Variants in H6PD observed in about 807,000 individuals in gnomAD.
The protein encoded by H6PD is hexose-6-phosphate dehydrogenase/glucose 1-dehydrogenase, also known as GDH/6PGL endoplasmic bifunctional protein.
Under a neutral mutation model 61.2 loss-of-function variants are expected in H6PD, and 48 were observed. The ratio of observed to expected loss-of-function variants is 0.78; its 90% confidence interval spans 0.62 to 1.00. The LOEUF (loss-of-function observed/expected upper bound fraction) is 1.00, where lower values mean the gene tolerates loss of function less well. Among genes scored for constraint, H6PD ranks in the 50% least tolerant of loss-of-function variants. H6PD has a pLI of 0.00. For missense variants in H6PD, 1,093 were observed against 1,065.0 expected (o/e 1.03, Z -0.37); for synonymous variants, 480 against 457.9 (o/e 1.05, Z -0.62).
At chr1:9,247,442 C>T (rs1445929697) in intron 3 of H6PD, among the ~76,000 whole-genome samples, 1 of 152,166 alleles carries the variant, frequency 6.6e-6, no homozygotes, top group Admixed American at 6.5e-5. Flanking sequence ...AGCCGTGGCG[C>T]CCCCTGCCTG....
Position 9,260,242 on chromosome 1 carries a change from T to C in H6PD, c.746-1817T>C, listed in dbSNP as rs182822771. On this transcript the variant is annotated intron_variant, in intron 3 of 4. Coordinates refer to ENST00000377403, the MANE Select transcript of H6PD (RefSeq NM_004285.4). The stretch of plus-strand genomic sequence containing the variant: ...TGTTGCTGTTGTTACGCCAGTGTTA[T>C]GTCGTTACACCAGTGCTGTTATGTT... Among the ~76,000 whole-genome samples, 388 of 149,742 alleles carry C rather than the reference T, an allele frequency of 2.6e-3. 6 individuals are homozygous for C. The highest frequency in any genetic ancestry group is 0.021 in the Admixed American group (321 of 15,202).
At chr1:9,252,493 C>G (rs777355088) in intron 3 of H6PD, among the ~76,000 whole-genome samples, 31 of 152,256 alleles carry the variant, frequency 2.0e-4, no homozygotes, top group Non-Finnish European at 3.8e-4. Context: ...GCTTTAACCT[C>G]CCAAATAGCT....
chr1:9,243,535 C>A (rs1409537919), intron 1 of H6PD, among the ~76,000 whole-genome samples: 2 of 152,186 alleles, frequency 1.3e-5, no homozygotes, highest in Non-Finnish European at 2.9e-5. Context: ...TTCCCCCTCA[C>A]TTCCTTCTTC....
chr1:9,265,093 C>T lies in H6PD; in HGVS notation c.*224C>T. 1.6e-6 allele frequency: 1 copy of T among 613,376 alleles called. No homozygotes were observed. The allele number at this position is 613,376 out of a possible 1,614,324, so 38.0% of individuals were successfully genotyped here. A position where few individuals can be genotyped will look rare whatever the true frequency, so the allele number is the denominator to read the frequency against. ...AGAAACAAGGAAGAAATGGAGTCTG[C>T]TCCTGAGAAGCTTCAAATTCAGGCC... is the stretch of plus-strand genomic sequence containing the variant. On this transcript the variant is annotated 3_prime_UTR_variant, in exon 5 of 5. Coordinates refer to ENST00000377403, the MANE Select transcript of H6PD (RefSeq NM_004285.4).
Position 9,244,928 on chromosome 1 carries a change from C to G in H6PD, c.-7C>G, listed in dbSNP as rs770903607. 1.3e-6 allele frequency: 2 copies of G among 1,544,266 alleles called. No individual in the cohort carries two copies. The highest frequency in any genetic ancestry group is 1.8e-6 in the Non-Finnish European group (2 of 1,131,888). On this transcript the variant is annotated 5_prime_UTR_variant, in exon 2 of 5. Transcript: ENST00000377403. The stretch of plus-strand genomic sequence containing the variant: ...TCTGTCTCTCTTTGCACCCCAGGCA[C>G]CCAGGCATGTGGAATATGCTCATAG...
At chr1:9,249,457 C>T (rs915023740) in intron 3 of H6PD, among the ~76,000 whole-genome samples, 7 of 152,166 alleles carry the variant, frequency 4.6e-5, no homozygotes, top group African/African-American at 1.4e-4. Flanking sequence ...GGCTGGCTGT[C>T]CTCAAGGTCC....
In H6PD at chr1:9,266,741, C is replaced by A. The variant is rs1372476394; in HGVS notation, c.*1872C>A. On this transcript the variant is annotated 3_prime_UTR_variant, in exon 5 of 5. Coordinates refer to ENST00000377403, the MANE Select transcript of H6PD (RefSeq NM_004285.4). ...GAATCCTGGCTTTCATTTTCAATGC[C>A]AGTCTGAGACATGTTCCCAAGCCGG... is the stretch of plus-strand genomic sequence containing the variant. The A allele has an allele frequency of 6.6e-6, 1 of 152,178 alleles. No individual in the cohort carries two copies. The highest frequency in any genetic ancestry group is 2.4e-5 in the African/African-American group (1 of 41,444). 9.4% of individuals were successfully genotyped at this position (152,178 alleles called of 1,614,324 possible). A position where few individuals can be genotyped will look rare whatever the true frequency, so the allele number is the denominator to read the frequency against.
At chr1:9,243,926 A>G (rs1251531616) in intron 1 of H6PD, among the ~76,000 whole-genome samples, 1 of 152,156 alleles carries the variant, frequency 6.6e-6, no homozygotes, top group African/African-American at 2.4e-5. Flanking sequence ...GGTCCCCTCT[A>G]TAGCGGTGCT....
chr1:9,235,429 A>G (rs1473251872), intron 1 of H6PD, among the ~76,000 whole-genome samples: 1 of 152,000 alleles, frequency 6.6e-6, no homozygotes, highest in Admixed American at 6.6e-5. Flanking sequence ...ATCTCTGAAA[A>G]TCAGCTCACC....
chr1:9,235,299 GA>G (rs978459927), intron 1 of H6PD, among the ~76,000 whole-genome samples: 1 of 152,092 alleles, frequency 6.6e-6, no homozygotes, highest in Non-Finnish European at 1.5e-5. Flanking sequence ...AGGAGAGGGG[GA>G]ACTCCGAGAT....
At position 9,254,248 on chromosome 1, in the gene H6PD, G is replaced by C. The variant is rs185574129; in HGVS notation, c.745+7165G>C. Among the ~76,000 whole-genome samples, 13 of 152,236 alleles carry C rather than the reference G, an allele frequency of 8.5e-5. No individual in the cohort carries two copies. The East Asian group carries it at 2.5e-3, about 29-fold the overall frequency. ...TTTGTGCCTGTAATCCCAGCTACTCGGGAGGCTGAGGCAGGAGAATTGCTT... is the reference window on the plus strand; with the variant it reads ...TTTGTGCCTGTAATCCCAGCTACTCCGGAGGCTGAGGCAGGAGAATTGCTT... On this transcript the variant is annotated intron_variant, in intron 3 of 4. Transcript: ENST00000377403. This position sits in a 1 kb window ranked among gnomAD's most constrained non-coding sequence, Gnocchi z 4.6.
In H6PD at chr1:9,269,465, GC is replaced by G. The variant is rs1201301137; in HGVS notation, c.*4597del. ...AGCTGGTGCCACTCTGCCCTCGGGG[GC>G]TCCAAGCATTGTAACTCAGTCATGG... is the stretch of plus-strand genomic sequence containing the variant. On this transcript the variant is annotated 3_prime_UTR_variant, in exon 5 of 5. Coordinates refer to ENST00000377403, the MANE Select transcript of H6PD (RefSeq NM_004285.4). The surrounding 1 kb of genome is among the most constrained non-coding windows in gnomAD (Gnocchi z 4.3). The G allele has an allele frequency of 6.6e-6, 1 of 152,274 alleles. No individual in the cohort carries two copies. Among genetic ancestry groups the G allele is most frequent in the Non-Finnish European group, 1.5e-5 (1 of 68,068 alleles). 9.4% of individuals were successfully genotyped at this position (152,274 alleles called of 1,614,324 possible).
chr1:9,261,991 A>G, intron 3 of H6PD, 68 bp from the exon 4 acceptor site: 2 of 1,524,562 alleles, frequency 1.3e-6, no homozygotes, highest in Non-Finnish European at 1.8e-6. Flanking sequence ...GTTTTGGTGC[A>G]CCTCGGGGAG....
chr1:9,238,960 T>C (rs915883098), intron 1 of H6PD, among the ~76,000 whole-genome samples: 2 of 152,204 alleles, frequency 1.3e-5, no homozygotes, highest in African/African-American at 4.8e-5. Flanking sequence ...TGGATATAAA[T>C]AATATCAAGA....
At chr1:9,243,625 A>G (rs1266985269) in intron 1 of H6PD, among the ~76,000 whole-genome samples, 1 of 152,184 alleles carries the variant, frequency 6.6e-6, no homozygotes, top group Non-Finnish European at 1.5e-5. Flanking sequence ...AGGAAGCCCT[A>G]CAACCTTGGT....
In H6PD at chr1:9,245,683, T is replaced by C; in HGVS notation, c.627+122T>C. On this transcript the variant is annotated intron_variant, in intron 2 of 4. Transcript: ENST00000377403. The surrounding 1 kb of genome is among the most constrained non-coding windows in gnomAD (Gnocchi z 4.8). Reference sequence around the variant, plus strand: ...AGGCATTGTGAACTCAGAGCTCCCATGGTCTCCTTGAAGGTGGGCAGGAGG... The same window carrying C: ...AGGCATTGTGAACTCAGAGCTCCCACGGTCTCCTTGAAGGTGGGCAGGAGG... The C allele has an allele frequency of 1.0e-6, 1 of 995,630 alleles. No individual in the cohort carries two copies. The highest frequency in any genetic ancestry group is 1.6e-6 in the Non-Finnish European group (1 of 641,424). The allele number at this position is 995,630 out of a possible 1,614,324, so 61.7% of individuals were successfully genotyped here.
rs746053638 is a variant in H6PD, at chr1:9,263,577, T to C, written c.1084T>C (p.Leu362=). 152 of 1,614,094 alleles carry C rather than the reference T, an allele frequency of 9.4e-5. 2 individuals are homozygous for C. In the Admixed American group the frequency reaches 2.5e-3, roughly 26 times the overall value. ...TTTCATCCTGATGTCTGGCAAAGCC[T>C]TGGACGAGAGAGTGGGCTACGCTCG... ...VPFILMSGKA[L]DERVGYARIL... Residue 362 remains leucine, a synonymous_variant, in exon 5 of 5, where the codon TTG becomes CTG. Coordinates refer to ENST00000377403, the MANE Select transcript of H6PD (RefSeq NM_004285.4).
rs1333258136 is a variant in H6PD at position 9,266,288 on chromosome 1, G to C, written c.*1419G>C. 6 of 152,296 alleles carry C rather than the reference G, an allele frequency of 3.9e-5. No homozygotes were observed. The highest frequency in any genetic ancestry group is 7.3e-5 in the Non-Finnish European group (5 of 68,098). 9.4% of individuals were successfully genotyped at this position (152,296 alleles called of 1,614,324 possible). On this transcript the variant is annotated 3_prime_UTR_variant, in exon 5 of 5. Transcript: ENST00000377403. ...TTGGTGACCCCGTGGCTTCCTGTCTGCTGGCCTCTCCTGCTACTTATCACT... is the reference window on the plus strand; with the variant it reads ...TTGGTGACCCCGTGGCTTCCTGTCTCCTGGCCTCTCCTGCTACTTATCACT...
chr1:9,248,033 G>A (rs1267711687), intron 3 of H6PD, among the ~76,000 whole-genome samples: 2 of 152,238 alleles, frequency 1.3e-5, no homozygotes, highest in South Asian at 2.1e-4. Context: ...AGTAGAAGGC[G>A]GTGGAGCCTG....
Sources: allele counts gnomAD v4.1 joint callset (sites outside exome capture counted in the v4.1 genomes callset), GRCh38; gene constraint gnomAD v4.1.1; non-coding constraint Gnocchi (gnomAD v3.1); transcripts MANE v1.5; gene names NCBI Gene and HGNC (gene_info 2026-07-23, HGNC 2026-07-21).